Variants in SPMIP3 observed in about 807,000 individuals in gnomAD.
SPMIP3 encodes sperm microtubule inner protein 3.
the SPMIP3 span, chr1:244,378,586 G>C: frequency 6.2e-7 from 1 of 1,614,118 alleles, no homozygotes; most frequent in Non-Finnish European, 8.5e-7. Context: ...GCCGAGCCAT[G>C]GTATAAAGAA....
At chr1:244,364,737 C>T in the SPMIP3 span, 50 of 1,614,056 alleles carry the variant, frequency 3.1e-5, no homozygotes, top group South Asian at 2.2e-4. Context: ...TATTGAGCGT[C>T]GCCCAGTGAT....
chr1:244,384,351 G>C, the SPMIP3 span, among the ~76,000 whole-genome samples: 1 of 152,056 alleles, frequency 6.6e-6, no homozygotes, highest in Admixed American at 6.5e-5. Flanking sequence ...CTACAGGCAT[G>C]AGCCACCACA....
the SPMIP3 span, among the ~76,000 whole-genome samples, chr1:244,354,638 G>A: frequency 6.6e-6 from 1 of 152,206 alleles, no homozygotes; most frequent in African/African-American, 2.4e-5. Flanking sequence ...TGGGATTACA[G>A]GCATAAGCCA....
the SPMIP3 span, chr1:244,388,864 A>C: frequency 1.0e-6 from 1 of 987,868 alleles, no homozygotes; most frequent in Non-Finnish European, 1.5e-6. Context: ...TTATTTTGTT[A>C]CTGTGCACAA....
the SPMIP3 span, among the ~76,000 whole-genome samples, chr1:244,366,741 G>T: frequency 6.6e-6 from 1 of 152,090 alleles, no homozygotes; most frequent in Non-Finnish European, 1.5e-5. Flanking sequence ...TTAGCCAGGC[G>T]TGGTGGCACA....
chr1:244,388,263 C>T, the SPMIP3 span, among the ~76,000 whole-genome samples: 1 of 151,844 alleles, frequency 6.6e-6, no homozygotes, highest in Non-Finnish European at 1.5e-5. Context: ...ATCATACCTG[C>T]AAAAAATATT....
chr1:244,386,359 A>G, the SPMIP3 span, among the ~76,000 whole-genome samples: 1 of 152,242 alleles, frequency 6.6e-6, no homozygotes, highest in African/African-American at 2.4e-5. Flanking sequence ...CATGAACAAT[A>G]ACTGCATTTT....
the SPMIP3 span, among the ~76,000 whole-genome samples, chr1:244,386,003 AACACACACACAC>A: frequency 1.9e-4 from 28 of 145,758 alleles, no homozygotes; most frequent in Non-Finnish European, 3.0e-4. Context: ...ATCTCTACAA[AACACACACACAC>A]ACACACACAC....
chr1:244,385,228 G>C, the SPMIP3 span, among the ~76,000 whole-genome samples: 1 of 152,170 alleles, frequency 6.6e-6, no homozygotes, highest in African/African-American at 2.4e-5. Context: ...AGGGCAGAAG[G>C]TATGTCTAGA....
the SPMIP3 span, among the ~76,000 whole-genome samples, chr1:244,374,574 T>G: frequency 6.7e-6 from 1 of 150,076 alleles, no homozygotes; most frequent in Non-Finnish European, 1.5e-5. Flanking sequence ...CGTTTACGGA[T>G]TCCCACATTT....
At chr1:244,379,680 A>G in the SPMIP3 span, among the ~76,000 whole-genome samples, 2 of 152,186 alleles carry the variant, frequency 1.3e-5, no homozygotes, top group South Asian at 4.1e-4. Context: ...TGCAGCATGT[A>G]AAAAAATACT....
the SPMIP3 span, among the ~76,000 whole-genome samples, chr1:244,377,358 T>C: frequency 6.6e-6 from 1 of 151,990 alleles, no homozygotes; most frequent in Non-Finnish European, 1.5e-5. Context: ...TCTGACTTCA[T>C]GATCCGCCTG....
At chr1:244,365,412 T>C in the SPMIP3 span, among the ~76,000 whole-genome samples, 1 of 152,194 alleles carries the variant, frequency 6.6e-6, no homozygotes, top group East Asian at 1.9e-4. Context: ...CTGATGGTTT[T>C]ATAAGTGGGA....
At chr1:244,378,477 G>A in the SPMIP3 span, 1 of 1,612,796 alleles carries the variant, frequency 6.2e-7, no homozygotes, top group Non-Finnish European at 8.5e-7. Flanking sequence ...ACCGCTCATA[G>A]ACTTGACAAT....
chr1:244,372,492 G>A, the SPMIP3 span, among the ~76,000 whole-genome samples: 10 of 148,950 alleles, frequency 6.7e-5, no homozygotes, highest in African/African-American at 1.2e-4. Flanking sequence ...CCCCCAGGCT[G>A]GAGTGCAGTG....
the SPMIP3 span, among the ~76,000 whole-genome samples, chr1:244,380,734 T>C: frequency 3.2e-4 from 49 of 152,164 alleles, no homozygotes; most frequent in South Asian, 9.5e-3. Context: ...TCTCTTTCCA[T>C]TTACTTAAAA....
chr1:244,377,712 G>A, the SPMIP3 span, among the ~76,000 whole-genome samples: 1 of 152,140 alleles, frequency 6.6e-6, no homozygotes, highest in Admixed American at 6.6e-5. Flanking sequence ...TCTTTTCCAA[G>A]GGATACCTAT....
At chr1:244,378,369 GCCT>G in the SPMIP3 span, 2 of 1,252,370 alleles carry the variant, frequency 1.6e-6, no homozygotes. Context: ...CTCTCTGTTA[GCCT>G]CACGGCCGTT....
chr1:244,371,741 A>C, the SPMIP3 span, among the ~76,000 whole-genome samples: 1 of 152,210 alleles, frequency 6.6e-6, no homozygotes, highest in Admixed American at 6.5e-5. Flanking sequence ...GTGGGTTCTT[A>C]AACTGTAATG....
Sources: gnomAD v4.1 joint callset for allele counts (sites outside exome capture counted in the v4.1 genomes callset) on GRCh38, gnomAD v4.1.1 for gene constraint, MANE v1.5 for transcripts, NCBI Gene and HGNC (gene_info 2026-07-23, HGNC 2026-07-21) for gene names.